The following PCNT variants were observed in gnomAD, a reference collection of about 807,000 sequenced individuals.
The protein encoded by PCNT is pericentrin, also known as kendrin.
A neutral mutation model predicts 380.4 loss-of-function variants in PCNT; 319 were observed. The observed-to-expected ratio is 0.84, with a 90% CI of 0.77 to 0.92. PCNT has a LOEUF of 0.92. Ranked by LOEUF, PCNT falls within the 40% of genes least tolerant of loss-of-function variation. The probability of loss-of-function intolerance (pLI) is 0.00; values close to 1 mark genes in which losing one functional copy is unlikely to be tolerated. For missense variants in PCNT, 4,400 were observed against 4,255.3 expected (o/e 1.03, Z -0.95); for synonymous variants, 1,845 against 1,735.2 (o/e 1.06, Z -1.57).
intron 31 of PCNT, 44 bp from the exon 32 acceptor site, chr21:46,421,926 C>T: frequency 6.2e-7 from 1 of 1,609,516 alleles, no homozygotes; most frequent in Non-Finnish European, 8.5e-7. Flanking sequence ...TGGGGAACCC[C>T]CTGGAGAGCT....
intron 15 of PCNT, among the ~76,000 whole-genome samples, chr21:46,374,849 CA>C (rs760273140): frequency 1.9e-3 from 160 of 85,546 alleles, no homozygotes; most frequent in Middle Eastern, 6.7e-3. Context: ...AACTTCGTCT[CA>C]AAAAAAAAAA....
At chr21:46,405,809 A>G (rs1341568378) in intron 27 of PCNT, among the ~76,000 whole-genome samples, 1 of 152,370 alleles carries the variant, frequency 6.6e-6, no homozygotes, top group African/African-American at 2.4e-5. Flanking sequence ...AATGAAAAAT[A>G]TATAAAAAAT....
At position 46,363,469 on chromosome 21, in the gene PCNT, G is replaced by A; in HGVS notation, c.2155-11G>A. ...CGTCTTTCCTCCTAAATGAAATTATGTTGTCTGTAGGTAAAACACAATCTA... is the reference window on the plus strand; with the variant it reads ...CGTCTTTCCTCCTAAATGAAATTATATTGTCTGTAGGTAAAACACAATCTA... On this transcript the variant is annotated splice_polypyrimidine_tract_variant and intron_variant, in intron 13 of 46. Coordinates refer to ENST00000359568, the MANE Select transcript of PCNT (RefSeq NM_006031.6). 1 of 1,601,524 alleles carries A rather than the reference G, an allele frequency of 6.2e-7. No homozygotes were observed. The highest frequency in any genetic ancestry group is 8.6e-7 in the Non-Finnish European group (1 of 1,169,098).
intron 20 of PCNT, 102 bp downstream of exon 20, chr21:46,390,934 A>G (rs2086009569): frequency 2.1e-6 from 3 of 1,412,644 alleles, no homozygotes; most frequent in Non-Finnish European, 2.9e-6. Context: ...TTTAAAGTGA[A>G]ATGTAAAAAC....
intron 24 of PCNT, 127 bp downstream of exon 24, chr21:46,398,382 C>A: frequency 1.0e-6 from 1 of 985,794 alleles, no homozygotes; most frequent in Non-Finnish European, 1.5e-6. Context: ...TCTGCTTTCT[C>A]TTGTCTGAGG....
chr21:46,398,296 G>GCCCAGGCT, intron 24 of PCNT, 41 bp downstream of exon 24: 3 of 1,577,008 alleles, frequency 1.9e-6, no homozygotes, highest in African/African-American at 1.3e-5. Context: ...CTGCGCTGGC[G>GCCCAGGCT]CCCAGGCTCC....
intron 17 of PCNT, among the ~76,000 whole-genome samples, chr21:46,386,544 G>T (rs569196468): frequency 6.6e-6 from 1 of 152,228 alleles, no homozygotes; most frequent in Non-Finnish European, 1.5e-5. Flanking sequence ...CTCCCAGGGC[G>T]GGGTGTGGGT....
intron 42 of PCNT, 27 bp from the exon 43 acceptor site, chr21:46,440,827 TA>T: frequency 7.2e-7 from 1 of 1,380,152 alleles, no homozygotes; most frequent in East Asian, 2.3e-5. Context: ...TTTCCTATGA[TA>T]AAATTTTACT....
rs373209200 is a variant in PCNT at position 46,346,957 on chromosome 21, G to A, written c.935G>A (p.Arg312Gln). Residue 312 changes from arginine (R) to glutamine (Q), a missense_variant, in exon 5 of 47, where the codon CGG becomes CAG. Coordinates refer to ENST00000359568, the MANE Select transcript of PCNT (RefSeq NM_006031.6). ...GAGCTCCTCAGGGAGCAGCACGCAC[G>A]GGAGAAGGAGGAGGTGGTGCTCAGG... Reference protein sequence around the residue: ...ELELLREQHAREKEEVVLRCG... With the variant: ...ELELLREQHAQEKEEVVLRCG... 26 of 1,596,510 alleles carry A rather than the reference G, an allele frequency of 1.6e-5. No individual in the cohort carries two copies. Among genetic ancestry groups the A allele is most frequent in the African/African-American group, 2.7e-5 (2 of 74,858 alleles).
intron 14 of PCNT, among the ~76,000 whole-genome samples, chr21:46,364,718 G>A (rs1021374980): frequency 1.3e-5 from 2 of 152,146 alleles, no homozygotes; most frequent in African/African-American, 2.4e-5. Flanking sequence ...GGGCTGTGCC[G>A]TTCTTTCTCA....
At chr21:46,378,008 C>T (rs1366882409) in intron 15 of PCNT, among the ~76,000 whole-genome samples, 3 of 152,124 alleles carry the variant, frequency 2.0e-5, no homozygotes, top group Non-Finnish European at 4.4e-5. Flanking sequence ...TTGTGTGTTT[C>T]CCAGGTTGGC....
chr21:46,411,889 G>A lies in PCNT; in HGVS notation c.5816G>A (p.Arg1939Gln), dbSNP rs1200151472. Residue 1939 changes from arginine (R) to glutamine (Q), a missense_variant, in exon 28 of 47, where the codon CGG becomes CAG. Transcript: ENST00000359568. ...CGCCAGCTGCAGGTGCTGCACCAGC[G>A]GTTCCTGAGGTGCCAGGTGGAGCTG... ...LSRQLQVLHQ[R>Q]FLRCQVELDR... 11 of 1,576,760 alleles carry A rather than the reference G, an allele frequency of 7.0e-6. No homozygotes were observed. Among genetic ancestry groups the A allele is most frequent in the African/African-American group, 2.7e-5 (2 of 74,418 alleles).
chr21:46,435,764 A>C (rs1279562971), intron 38 of PCNT, 140 bp from the exon 39 acceptor site: 3 of 873,524 alleles, frequency 3.4e-6, no homozygotes, highest in Non-Finnish European at 5.5e-6. Flanking sequence ...GCATGGTCTC[A>C]ATCTCCTGAC....
rs980265618 is a variant in PCNT, at chr21:46,394,767, TTG to T, written c.4217-2495_4217-2494del. Among the ~76,000 whole-genome samples the T allele has an allele frequency of 2.8e-4, 42 of 152,356 alleles. 2 individuals are homozygous for T. Among genetic ancestry groups the T allele is most frequent in the African/African-American group, 9.4e-4 (39 of 41,590 alleles). On this transcript the variant is annotated intron_variant, in intron 21 of 46. Coordinates refer to ENST00000359568, the MANE Select transcript of PCNT (RefSeq NM_006031.6). ...TTTACTACAGTGCCTAAGCTACAGTTTGTGCTGCTTTTCAGAAACTGATGTCT... is the reference window on the plus strand; with the variant it reads ...TTTACTACAGTGCCTAAGCTACAGTTTGCTGCTTTTCAGAAACTGATGTCT...
chr21:46,355,581 T>A lies in PCNT; in HGVS notation c.1891T>A (p.Leu631Met), dbSNP rs765992534. Residue 631 changes from leucine to methionine, a missense_variant, in exon 12 of 47, where the codon TTG (leucine) becomes ATG (methionine). Leu to Met is a conservative substitution (Grantham distance 15). Transcript: ENST00000359568. ...SDRCCVETSA[L>M]GHEWRLEPSE... ...CAGATGCTGCGTAGAGACTTCAGCA[T>A]TGGGACACGAGTGGCGTCTGGAACC... 1 of 1,614,096 alleles carries A rather than the reference T, an allele frequency of 6.2e-7. No homozygotes were observed. The highest frequency in any genetic ancestry group is 8.5e-7 in the Non-Finnish European group (1 of 1,180,000).
rs2148062115 is a variant in PCNT at position 46,438,327 on chromosome 21, G to A, written c.9263G>A (p.Cys3088Tyr). Residue 3088 changes from cysteine to tyrosine, a missense_variant, in exon 41 of 47, where the codon TGC (cysteine) becomes TAC (tyrosine). Coordinates refer to ENST00000359568, the MANE Select transcript of PCNT (RefSeq NM_006031.6). ...CTGAAGCACCATCTGCAGAAGGGCTGCAGCCCAAGCGTAGGTGTCTGTGCT... is the reference window on the plus strand; with the variant it reads ...CTGAAGCACCATCTGCAGAAGGGCTACAGCCCAAGCGTAGGTGTCTGTGCT... ...KLLKHHLQKGCSPSRSERSAW... is the reference protein window; with the variant it reads ...KLLKHHLQKGYSPSRSERSAW... 1 of 1,614,000 alleles carries A rather than the reference G, an allele frequency of 6.2e-7. No individual in the cohort carries two copies. The highest frequency in any genetic ancestry group is 8.5e-7 in the Non-Finnish European group (1 of 1,179,896).
intron 28 of PCNT, among the ~76,000 whole-genome samples, chr21:46,412,470 TGGAGCTGGAGGCCCTGTAG>T (rs2086821295): frequency 6.6e-6 from 1 of 152,148 alleles, no homozygotes; most frequent in African/African-American, 2.4e-5. Context: ...GCTCTTCTTT[TGGAGCTGGAGGCCCTGTAG>T]GGAGTCGTCT....
chr21:46,433,036 C>T (rs1001684183), intron 38 of PCNT, among the ~76,000 whole-genome samples: 1 of 152,134 alleles, frequency 6.6e-6, no homozygotes, highest in Admixed American at 6.5e-5. Context: ...GAGTCTCATT[C>T]CGTCACTCAG....
rs2053635208 is a variant in PCNT at position 46,442,519 on chromosome 21, T to C, written c.9646T>C (p.Trp3216Arg). Residue 3216 changes from tryptophan (W) to arginine (R), a missense_variant, in exon 44 of 47, where the codon TGG becomes CGG. Coordinates refer to ENST00000359568, the MANE Select transcript of PCNT (RefSeq NM_006031.6). ...TAGATTACGTTTTTTGGTTAAGAAA[T>C]GGCAAGAAGTAGATCGGAAAGGAGC... is the stretch of plus-strand genomic sequence containing the variant. The part of the protein sequence containing the change: ...ILRLRFLVKK[W>R]QEVDRKGALA... 1.9e-6 allele frequency: 3 copies of C among 1,611,630 alleles called. No homozygotes were observed. The highest frequency in any genetic ancestry group is 2.5e-6 in the Non-Finnish European group (3 of 1,177,884).
Sources: gnomAD v4.1 joint callset for allele counts (sites outside exome capture counted in the v4.1 genomes callset) on GRCh38, gnomAD v4.1.1 for gene constraint, MANE v1.5 for transcripts, NCBI Gene and HGNC (gene_info 2026-07-23, HGNC 2026-07-21) for gene names.